The following ABCC6 variants were observed in gnomAD, a reference collection of about 807,000 sequenced individuals.
ABCC6 encodes the protein ATP binding cassette subfamily C member 6.
ABCC6 carries 126 observed loss-of-function variants against 169.5 expected under a neutral mutation model. The ratio of observed to expected loss-of-function variants is 0.74; its 90% CI spans 0.64 to 0.86. ABCC6 has a LOEUF of 0.86. ABCC6 is among the 40% of genes least tolerant of loss of function. The pLI is 0.00. For missense variants in ABCC6, 1,733 were observed against 1,927.2 expected (o/e 0.90, Z 1.89); for synonymous variants, 752 against 814.7 (o/e 0.92, Z 1.31).
intron 29 of ABCC6, among the ~76,000 whole-genome samples, chr16:16,152,053 G>A (rs8051720): frequency 0.26 from 39,399 of 151,268 alleles, 5,477 homozygotes; most frequent in South Asian, 0.46. Flanking sequence ...TTAGCCGGGC[G>A]TGGTGGCGGG....
chr16:16,187,644 C>T (rs2047692029), intron 13 of ABCC6, among the ~76,000 whole-genome samples: 1 of 152,112 alleles, frequency 6.6e-6, no homozygotes. Context: ...CCGGTAATCC[C>T]AGCACTTTGG....
intron 23 of ABCC6, 35 bp from the exon 24 acceptor site, chr16:16,163,227 G>A: frequency 1.3e-6 from 2 of 1,599,160 alleles, no homozygotes; most frequent in South Asian, 1.1e-5. Context: ...AAGAGGAGAA[G>A]CCACAGACAT....
At chr16:16,197,956 G>A in intron 10 of ABCC6, 65 bp downstream of exon 10, 1 of 1,501,266 alleles carries the variant, frequency 6.7e-7, no homozygotes, top group South Asian at 1.2e-5. Context: ...GGAGGGGGAA[G>A]GAGGAGGGGG....
In ABCC6 at chr16:16,154,884, T is replaced by A; in HGVS notation, c.4030A>T (p.Ile1344Phe). The A allele has an allele frequency of 6.2e-7, 1 of 1,612,754 alleles. No homozygotes were observed. The highest frequency in any genetic ancestry group is 1.1e-5 in the South Asian group (1 of 90,740). ...TCCACCAGCCTCACCTGGGGGATGA[T>A]GCTGATCCTGGAGCGCAGTGTGTGC... ...GLHTLRSRISIIPQDPILFPG... is the reference protein window; with the variant it reads ...GLHTLRSRISFIPQDPILFPG... The change falls in exon 28 of 31, where the codon ATC becomes TTC. Residue 1344 changes from isoleucine (I) to phenylalanine (F), a missense_variant. Transcript: ENST00000205557.
In ABCC6 at chr16:16,157,728, T is replaced by A; in HGVS notation, c.3817A>T (p.Arg1273Ter). Reference protein sequence around the residue: ...GQIEFRDFGLRYRPELPLAVQ... With the variant: ...GQIEFRDFGL The stretch of plus-strand genomic sequence containing the variant: ...GCCAGCGGGAGCTCAGGTCGGTATC[T>A]TAGCCCAAAGTCCCGGAACTCGATC... The change falls in exon 27 of 31, where the codon AGA (arginine) becomes TGA (stop). Residue 1273 changes from arginine (R) to a stop codon, truncating the protein, a stop_gained. Coordinates refer to ENST00000205557, the MANE Select transcript of ABCC6 (RefSeq NM_001171.6). LOFTEE classifies it high-confidence loss of function. The A allele has an allele frequency of 6.2e-7, 1 of 1,612,142 alleles. No individual in the cohort carries two copies. Among genetic ancestry groups the A allele is most frequent in the Non-Finnish European group, 8.5e-7 (1 of 1,178,254 alleles).
rs1474063386 is a variant in ABCC6 at position 16,214,329 on chromosome 16, G to A, written c.595C>T (p.Gln199Ter). 13 of 1,550,806 alleles carry A rather than the reference G, an allele frequency of 8.4e-6. No individual in the cohort carries two copies. In the East Asian group the frequency reaches 2.9e-4, roughly 35 times the overall value. ...GTTGGAACTTGGTGACTTACAGACT[G>A]CTGGGGGTCTTCAGGGAAGAAGGGG... Reference protein sequence around the residue: ...QPPFFPEDPQQSNPCPETGAA... With the variant: ...QPPFFPEDPQ The change falls in exon 5 of 31, where the codon CAG (glutamine) becomes TAG (stop). Residue 199 changes from glutamine to a stop codon, truncating the protein, a stop_gained. Coordinates refer to ENST00000205557, the MANE Select transcript of ABCC6 (RefSeq NM_001171.6). LOFTEE classifies it high-confidence loss of function.
At chr16:16,170,932 AAAAAAAAAAG>A (rs1199893140) in intron 21 of ABCC6, among the ~76,000 whole-genome samples, 27 of 132,320 alleles carry the variant, frequency 2.0e-4, no homozygotes, top group African/African-American at 6.6e-4. Flanking sequence ...AAAAAAAAAA[AAAAAAAAAAG>A]AAAGAAAGAA....
Position 16,169,747 on chromosome 16 carries a change from C to A in ABCC6, c.2894G>T (p.Gly965Val). The A allele has an allele frequency of 2.5e-6, 4 of 1,606,300 alleles. No homozygotes were observed. The highest frequency in any genetic ancestry group is 3.4e-6 in the Non-Finnish European group (4 of 1,176,942). ...GTCCGCCCACAGGCTCAGCCAGTAGCCCCGGCAGAAGGAGGCCACTTGCTG... is the reference window on the plus strand; with the variant it reads ...GTCCGCCCACAGGCTCAGCCAGTAGACCCGGCAGAAGGAGGCCACTTGCTG... The part of the protein sequence containing the change: ...LCQQVASFCR[G>V]YWLSLWADDP... The change falls in exon 22 of 31, where the codon GGC becomes GTC. Residue 965 changes from glycine (G) to valine (V), a missense_variant. This residue lies in a region of ABCC6 where 1,601 missense variants were observed against 1,635.5 expected (regional missense o/e 0.98). Transcript: ENST00000205557.
intron 20 of ABCC6, among the ~76,000 whole-genome samples, chr16:16,174,251 C>T (rs771066476): frequency 6.6e-6 from 1 of 152,174 alleles, no homozygotes; most frequent in Non-Finnish European, 1.5e-5. Flanking sequence ...TGAGTTTCAG[C>T]CAATCAAAGG....
intron 7 of ABCC6, among the ~76,000 whole-genome samples, chr16:16,208,101 A>C (rs2889472): frequency 8.3e-4 from 126 of 152,184 alleles, no homozygotes; most frequent in African/African-American, 1.8e-3. Flanking sequence ...GTGTTGAGTC[A>C]CCTCCCAACC....
intron 7 of ABCC6, 70 bp downstream of exon 7, chr16:16,208,658 C>T: frequency 6.2e-7 from 1 of 1,612,174 alleles, no homozygotes; most frequent in Admixed American, 1.7e-5. Context: ...AGTCGTGAGC[C>T]ACCGCACCCG....
At chr16:16,208,482 C>T (rs866358874) in intron 7 of ABCC6, among the ~76,000 whole-genome samples, 1 of 151,956 alleles carries the variant, frequency 6.6e-6, no homozygotes, top group Non-Finnish European at 1.5e-5. Context: ...AAACGATTCT[C>T]CTGCCTCAAG....
Position 16,159,532 on chromosome 16 carries a change from T to G in ABCC6, c.3685A>C (p.Ser1229Arg). Residue 1229 changes from serine to arginine, a missense_variant, in exon 26 of 31, where the codon AGC becomes CGC. This residue lies in a region of ABCC6 where 1,601 missense variants were observed against 1,635.5 expected (regional missense o/e 0.98). Coordinates refer to ENST00000205557, the MANE Select transcript of ABCC6 (RefSeq NM_001171.6). ...TGCATCCGCTCCACTGACACGATGC[T>G]GTTCTCTAGGTCTGTCCAGTTGCGA... ...VVRNWTDLEN[S>R]IVSVERMQDY... 1.2e-6 allele frequency: 2 copies of G among 1,614,096 alleles called. No individual in the cohort carries two copies. The highest frequency in any genetic ancestry group is 1.7e-6 in the Non-Finnish European group (2 of 1,179,996).
At position 16,170,592 on chromosome 16, in the gene ABCC6, C is replaced by CT. The variant is rs746681756; in HGVS notation, c.2788-740dup. ...GTTGAAAACATTAATCTAATTATAT[C>CT]TTGTCGTTGGCCTGTCCATGGCTAT... On this transcript the variant is annotated intron_variant, in intron 21 of 30. Transcript: ENST00000205557. Among the ~76,000 whole-genome samples the CT allele has an allele frequency of 5.8e-4, 88 of 152,206 alleles. No homozygotes were observed. The Middle Eastern group carries it at 0.01, about 18-fold the overall frequency.
chr16:16,157,545 C>G (rs1039123157), intron 27 of ABCC6, 118 bp downstream of exon 27: 9 of 1,350,662 alleles, frequency 6.7e-6, no homozygotes, highest in Admixed American at 1.9e-5. Flanking sequence ...GGTCTGAAAG[C>G]TAGGGGACCT....
intron 21 of ABCC6, among the ~76,000 whole-genome samples, chr16:16,170,560 C>T (rs563278353): frequency 3.3e-5 from 5 of 152,200 alleles, no homozygotes; most frequent in East Asian, 1.9e-4. Context: ...TGCAGCCAGA[C>T]GGGACTGTTG....
chr16:16,182,976 C>T (rs1418650346), intron 15 of ABCC6, 46 bp from the exon 16 acceptor site: 23 of 1,613,960 alleles, frequency 1.4e-5, no homozygotes, highest in African/African-American at 2.7e-5. Flanking sequence ...GGGTTCAGCC[C>T]GCCTCTGTGA....
rs146265944 is a variant in ABCC6 at position 16,154,906 on chromosome 16, G to A, written c.4008C>T (p.His1336=). 7.8e-5 allele frequency: 126 copies of A among 1,611,150 alleles called. No homozygotes were observed. Among genetic ancestry groups the A allele is most frequent in the Middle Eastern group, 1.6e-4 (1 of 6,076 alleles). Residue 1336 remains histidine (H), a synonymous_variant, in exon 28 of 31, where the codon CAC becomes CAT. Transcript: ENST00000205557. The stretch of plus-strand genomic sequence containing the variant: ...TGATGCTGATCCTGGAGCGCAGTGT[G>A]TGCAGCCCCACGTGGGCAATGGGGA... ...DGVPIAHVGL[H]TLRSRISIIP... is the part of the protein sequence containing the mutation.
At chr16:16,176,169 C>T (rs530018859) in intron 19 of ABCC6, among the ~76,000 whole-genome samples, 183 bp from the exon 20 acceptor site, 126 of 152,328 alleles carry the variant, frequency 8.3e-4, no homozygotes, top group African/African-American at 2.9e-3. Flanking sequence ...CAGGCATTCA[C>T]TCACTCATTC....
Sources: allele counts gnomAD v4.1 joint callset (sites outside exome capture counted in the v4.1 genomes callset), GRCh38; gene constraint gnomAD v4.1.1; regional missense constraint gnomAD v4.1.1; transcripts MANE v1.5; gene names NCBI Gene and HGNC (gene_info 2026-07-23, HGNC 2026-07-21).